The following SNX9 variants were observed in gnomAD, a reference collection of about 807,000 sequenced individuals.
SNX9 encodes sorting nexin 9, also known as sorting nexin-9.
Under a neutral mutation model 89.4 loss-of-function variants are expected in SNX9, and 44 were observed. The observed-to-expected ratio is 0.49, with a 90% CI of 0.39 to 0.63. The LOEUF (loss-of-function observed/expected upper bound fraction) is 0.63. SNX9 is among the 30% of genes least tolerant of loss of function. SNX9 has a pLI of 0.00. For synonymous variants in SNX9, 236 were observed against 247.8 expected (o/e 0.95, Z 0.45); for missense variants, 578 against 736.1 (o/e 0.79, Z 2.49).
At chr6:157,859,994 C>T (rs927632077) in intron 1 of SNX9, among the ~76,000 whole-genome samples, 4 of 152,162 alleles carry the variant, frequency 2.6e-5, no homozygotes, top group Non-Finnish European at 5.9e-5. Context: ...AAATAAAGTT[C>T]CACTGGAACG....
At chr6:157,932,631 T>C (rs1783834820) in intron 13 of SNX9, among the ~76,000 whole-genome samples, 1 of 151,982 alleles carries the variant, frequency 6.6e-6, no homozygotes. Flanking sequence ...TTTGGGAGGC[T>C]GAGGTGGGCA....
chr6:157,937,422 A>G lies in SNX9; in HGVS notation c.1444-12A>G. ...TCTCTGCCAGTAACAATCAGCTTGT[A>G]TCTTGTTATAGCCAAAGAAAGATCT... On this transcript the variant is annotated splice_polypyrimidine_tract_variant and intron_variant, in intron 14 of 17. Coordinates refer to ENST00000392185, the MANE Select transcript of SNX9 (RefSeq NM_016224.5). 2 of 1,591,316 alleles carry G rather than the reference A, an allele frequency of 1.3e-6. No individual in the cohort carries two copies. The highest frequency in any genetic ancestry group is 1.3e-5 in the African/African-American group (1 of 74,614).
intron 1 of SNX9, among the ~76,000 whole-genome samples, chr6:157,833,658 C>A (rs1383275664): frequency 6.6e-6 from 1 of 152,182 alleles, no homozygotes; most frequent in Admixed American, 6.5e-5. Flanking sequence ...TGTGCCTTCT[C>A]CCTCAGGAGC....
intron 7 of SNX9, 138 bp from the exon 8 acceptor site, chr6:157,909,527 A>G (rs1280178372): frequency 1.0e-6 from 1 of 998,816 alleles, no homozygotes; most frequent in Non-Finnish European, 1.5e-6. Flanking sequence ...TGAACCATTT[A>G]TGTACCTTTC....
intron 9 of SNX9, among the ~76,000 whole-genome samples, chr6:157,918,159 C>T (rs904560169): frequency 2.6e-5 from 4 of 152,080 alleles, no homozygotes; most frequent in African/African-American, 7.2e-5. Context: ...GTTTCTATAT[C>T]CTTGCCAATT....
intron 1 of SNX9, among the ~76,000 whole-genome samples, chr6:157,863,195 A>G (rs1207155936): frequency 6.6e-6 from 1 of 152,260 alleles, no homozygotes; most frequent in Non-Finnish European, 1.5e-5. Flanking sequence ...TGGGGCAGAC[A>G]GAATAACAGA....
chr6:157,922,802 G>A (rs1486136117), intron 10 of SNX9, among the ~76,000 whole-genome samples: 1 of 152,162 alleles, frequency 6.6e-6, no homozygotes, highest in Non-Finnish European at 1.5e-5. Flanking sequence ...ATATGTTTAT[G>A]GTGAGATAGG....
intron 2 of SNX9, 71 bp from the exon 3 acceptor site, chr6:157,873,031 C>T (rs1782445925): frequency 1.2e-5 from 15 of 1,267,720 alleles, no homozygotes; most frequent in African/African-American, 3.0e-5. Context: ...ACAATTCCTC[C>T]ACACAAAATT....
intron 9 of SNX9, among the ~76,000 whole-genome samples, chr6:157,915,010 G>A (rs1252462073): frequency 6.6e-6 from 1 of 151,584 alleles, no homozygotes; most frequent in African/African-American, 2.4e-5. Context: ...TTTTCACATC[G>A]GGATATCCAG....
intron 2 of SNX9, among the ~76,000 whole-genome samples, chr6:157,870,007 A>G (rs1185089840): frequency 6.6e-6 from 1 of 151,826 alleles, no homozygotes; most frequent in South Asian, 2.1e-4. Flanking sequence ...CCTCTCATGC[A>G]CACCCACAGT....
intron 9 of SNX9, 69 bp from the exon 10 acceptor site, chr6:157,921,462 A>G: frequency 6.6e-7 from 1 of 1,516,618 alleles, no homozygotes; most frequent in Non-Finnish European, 9.0e-7. Flanking sequence ...ATGGTTTTTC[A>G]GTTACAGTAT....
rs148114673 is a variant in SNX9 at position 157,930,055 on chromosome 6, C to G, written c.1288+1353C>G. On this transcript the variant is annotated intron_variant, in intron 12 of 17. Coordinates refer to ENST00000392185, the MANE Select transcript of SNX9 (RefSeq NM_016224.5). ...GTAGTTTCAACAGAAACTTGTGGCT[C>G]CATAAAGCCTAAAACGTTTACTATC... is the stretch of plus-strand genomic sequence containing the variant. Among the ~76,000 whole-genome samples the G allele has an allele frequency of 1.3e-4, 20 of 152,198 alleles. No individual in the cohort carries two copies. In the East Asian group the frequency reaches 1.5e-3, roughly 12 times the overall value.
chr6:157,877,785 A>G (rs1320546309), intron 4 of SNX9, among the ~76,000 whole-genome samples: 1 of 152,022 alleles, frequency 6.6e-6, no homozygotes, highest in Non-Finnish European at 1.5e-5. Flanking sequence ...TCAGCTTGGC[A>G]CACTCTGCCA....
At chr6:157,928,224 A>G (rs1298945915) in intron 11 of SNX9, among the ~76,000 whole-genome samples, 1 of 152,176 alleles carries the variant, frequency 6.6e-6, no homozygotes, top group Non-Finnish European at 1.5e-5. Context: ...TCTCCGTTTC[A>G]TGGAGTACTT....
intron 1 of SNX9, among the ~76,000 whole-genome samples, chr6:157,840,325 C>T (rs1026017241): frequency 5.9e-5 from 9 of 152,178 alleles, no homozygotes; most frequent in African/African-American, 9.7e-5. Flanking sequence ...CAGGCGACCA[C>T]GGGGGCTTTG....
intron 4 of SNX9, among the ~76,000 whole-genome samples, chr6:157,877,965 C>T (rs1286723378): frequency 1.3e-5 from 2 of 152,140 alleles, no homozygotes; most frequent in East Asian, 1.9e-4. Flanking sequence ...TAACTTATTT[C>T]GAGCCTGCTA....
At chr6:157,826,875 TATAATATATAA>T (rs1335383996) in intron 1 of SNX9, among the ~76,000 whole-genome samples, 3 of 104,690 alleles carry the variant, frequency 2.9e-5, no homozygotes, top group African/African-American at 4.4e-5. Context: ...TTATAGTTTA[TATAATATATAA>T]ATATATATTA....
rs1306159209 is a variant in SNX9, at chr6:157,943,389, T to TA, written c.*552dup. ...CTGCCACAGTTACAGCTCAAGTGCTTACACTTCAAGAGGGAGGACGCTGGG... is the reference window on the plus strand; with the variant it reads ...CTGCCACAGTTACAGCTCAAGTGCTTAACACTTCAAGAGGGAGGACGCTGGG... On this transcript the variant is annotated 3_prime_UTR_variant, in exon 18 of 18. Coordinates refer to ENST00000392185, the MANE Select transcript of SNX9 (RefSeq NM_016224.5). The TA allele has an allele frequency of 1.3e-5, 2 of 152,336 alleles. No homozygotes were observed. Among genetic ancestry groups the TA allele is most frequent in the Non-Finnish European group, 2.9e-5 (2 of 68,124 alleles). The allele number at this position is 152,336 out of a possible 1,614,324, so 9.4% of individuals were successfully genotyped here. A position where few individuals can be genotyped will look rare whatever the true frequency, so the allele number is the denominator to read the frequency against.
At chr6:157,866,753 G>A (rs1476407886) in intron 1 of SNX9, among the ~76,000 whole-genome samples, 1 of 152,098 alleles carries the variant, frequency 6.6e-6, no homozygotes, top group Admixed American at 6.6e-5. Flanking sequence ...TATTAGATAA[G>A]GAGCAGTGAA....
Sources: allele counts gnomAD v4.1 joint callset (sites outside exome capture counted in the v4.1 genomes callset), GRCh38; gene constraint gnomAD v4.1.1; transcripts MANE v1.5; gene names NCBI Gene and HGNC (gene_info 2026-07-23, HGNC 2026-07-21).